Variants in PTPRF observed in about 807,000 individuals in gnomAD.
PTPRF encodes the protein protein tyrosine phosphatase receptor type F, also known as receptor-type tyrosine-protein phosphatase F.
In PTPRF, 59 loss-of-function variants were observed where a neutral mutation model predicts 201.8. The observed-to-expected ratio is 0.29, with a 90% CI of 0.24 to 0.36. The LOEUF (loss-of-function observed/expected upper bound fraction) is 0.36, where lower values mean the gene tolerates loss of function less well. PTPRF is among the 10% of genes least tolerant of loss of function. The pLI is 1.00. For synonymous variants in PTPRF, 1,088 were observed against 1,089.7 expected, an observed-to-expected ratio of 1.00 and a Z score of 0.03; for missense variants, 2,132 against 2,690.5, an observed-to-expected ratio of 0.79 and a Z score of 4.59.
At chr1:43,569,230 C>T (rs4660736) in intron 5 of PTPRF, among the ~76,000 whole-genome samples, 1 of 123,956 alleles carries the variant, frequency 8.1e-6, no homozygotes, top group Non-Finnish European at 1.7e-5. Flanking sequence ...CCCCCCCCCC[C>T]ACCCCCTGCA....
intron 3 of PTPRF, among the ~76,000 whole-genome samples, chr1:43,548,637 A>G (rs1644831395): frequency 6.6e-6 from 1 of 152,136 alleles, no homozygotes; most frequent in African/African-American, 2.4e-5. Flanking sequence ...TATTCCCCTT[A>G]TCTGAGGCCA....
At chr1:43,569,506 C>A in intron 5 of PTPRF, 84 bp from the exon 6 acceptor site, 1 of 1,406,892 alleles carries the variant, frequency 7.1e-7, no homozygotes, top group Non-Finnish European at 9.6e-7. Flanking sequence ...CCTGGCCAAC[C>A]TGCAGTTGGG....
intron 5 of PTPRF, among the ~76,000 whole-genome samples, chr1:43,558,382 C>T (rs945008515): frequency 5.9e-5 from 9 of 152,256 alleles, no homozygotes; most frequent in African/African-American, 1.9e-4. Context: ...CACCACAGCC[C>T]GTGGGAGTGC....
At position 43,603,650 on chromosome 1, in the gene PTPRF, T is replaced by C. The variant is rs774490865; in HGVS notation, c.2498T>C (p.Met833Thr). The change falls in exon 16 of 34, where the codon ATG (methionine) becomes ACG (threonine). Residue 833 changes from methionine to threonine, a missense_variant. Around this residue, in one of 6 missense-constraint regions of PTPRF, gnomAD observed 818 missense variants for 915.3 expected, o/e 0.89. Transcript: ENST00000359947. This position sits in a 1 kb window ranked among gnomAD's most constrained non-coding sequence, Gnocchi z 5.8. ...ACCATGATGATCAGCACCACGGCCATGAACACTGCGCTGCTCCAGTGGCAC... is the reference window on the plus strand; with the variant it reads ...ACCATGATGATCAGCACCACGGCCACGAACACTGCGCTGCTCCAGTGGCAC... ...RPTMMISTTA[M>T]NTALLQWHPP... 5.6e-6 allele frequency: 9 copies of C among 1,613,392 alleles called. No homozygotes were observed. The African/African-American group carries it at 6.7e-5, about 12-fold the overall frequency.
Position 43,603,756 on chromosome 1 carries a change from A to C in PTPRF, c.2604A>C (p.Ile868=), listed in dbSNP as rs1654364430. 6.2e-7 allele frequency: 1 copy of C among 1,613,838 alleles called. No homozygotes were observed. Among genetic ancestry groups the C allele is most frequent in the Non-Finnish European group, 8.5e-7 (1 of 1,180,046 alleles). The change falls in exon 16 of 34, where the codon ATA becomes ATC. Residue 868 remains isoleucine (I), a synonymous_variant. Transcript: ENST00000359947. The surrounding 1 kb of genome is among the most constrained non-coding windows in gnomAD (Gnocchi z 5.8). ...CRADEARPNT[I]DFGKDDQHFT... ...CCGACGAGGCGCGGCCCAACACCAT[A>C]GATTTCGGCAAGGATGACCAGCACT...
rs145265549 is a variant in PTPRF at position 43,605,601 on chromosome 1, C to G, written c.3462C>G (p.Pro1154=). The change falls in exon 19 of 34, where the codon CCC becomes CCG. Residue 1154 remains proline (P), a synonymous_variant. Coordinates refer to ENST00000359947, the MANE Select transcript of PTPRF (RefSeq NM_002840.5). ...GSMLTPRWST[P]EELELDELLE... is the part of the protein sequence containing the mutation. ...TGCTGACGCCAAGGTGGAGCACACC[C>G]GAGGAACTGGAGCTGGACGAGGTAC... 4 of 1,614,108 alleles carry G rather than the reference C, an allele frequency of 2.5e-6. No individual in the cohort carries two copies. Among genetic ancestry groups the G allele is most frequent in the Admixed American group, 1.7e-5 (1 of 60,022 alleles).
At position 43,573,919 on chromosome 1, in the gene PTPRF, T is replaced by C. The variant is rs542862544; in HGVS notation, c.568+4141T>C. 2.9e-3 allele frequency among the ~76,000 whole-genome samples: 433 copies of C among 150,132 alleles called. 4 individuals are homozygous for C. Among genetic ancestry groups the C allele is most frequent in the African/African-American group, 0.01 (423 of 40,888 alleles). On this transcript the variant is annotated intron_variant, in intron 6 of 33. Coordinates refer to ENST00000359947, the MANE Select transcript of PTPRF (RefSeq NM_002840.5). ...GATCAGCAATGTCAACTTTTTGGTC[T>C]CAGGACCTCTACTTGTAAATATCAG...
chr1:43,574,283 A>C (rs556445729), intron 6 of PTPRF, among the ~76,000 whole-genome samples: 103 of 152,140 alleles, frequency 6.8e-4, no homozygotes, highest in Middle Eastern at 3.4e-3. Flanking sequence ...GGGGTGAGCC[A>C]CCGTGCCCAG....
rs72673097 is a variant in PTPRF, at chr1:43,622,254, G to A, written c.*251G>A. The A allele has an allele frequency of 0.021, 10,973 of 522,176 alleles. 165 individuals are homozygous for A. Among genetic ancestry groups the A allele is most frequent in the Non-Finnish European group, 0.031 (9,077 of 291,792 alleles). 32.3% of individuals were successfully genotyped at this position (522,176 alleles called of 1,614,324 possible). ...TGTCCACCAGACCCACCTGGAGCCC[G>A]CTTCAAGCTCTCTGTTGCGCTCCCG... On this transcript the variant is annotated 3_prime_UTR_variant, in exon 34 of 34. Coordinates refer to ENST00000359947, the MANE Select transcript of PTPRF (RefSeq NM_002840.5).
intron 5 of PTPRF, among the ~76,000 whole-genome samples, chr1:43,559,727 A>G (rs1458226301): frequency 1.5e-5 from 2 of 135,144 alleles, no homozygotes; most frequent in African/African-American, 5.7e-5. Context: ...GGCTGTGTGT[A>G]TGTATCAGGC....
In PTPRF at chr1:43,603,885, C is replaced by G. The variant is rs749008896; in HGVS notation, c.2733C>G (p.Pro911=). The G allele has an allele frequency of 1.2e-6, 2 of 1,613,936 alleles. No homozygotes were observed. The highest frequency in any genetic ancestry group is 1.7e-5 in the Admixed American group (1 of 60,008). The change falls in exon 16 of 34, where the codon CCC becomes CCG. Residue 911 remains proline, a synonymous_variant. Transcript: ENST00000359947. This position sits in a 1 kb window ranked among gnomAD's most constrained non-coding sequence, Gnocchi z 5.8. ...AGTTCGAGAAGGAGATCAGGACCCC[C>G]GAGGACCTGCCCAGCGGCTTCCCCC... ...GEEFEKEIRT[P]EDLPSGFPQN... is the part of the protein sequence containing the mutation.
intron 6 of PTPRF, among the ~76,000 whole-genome samples, chr1:43,574,017 A>G (rs1646757307): frequency 1.3e-5 from 1 of 75,708 alleles, no homozygotes; most frequent in Admixed American, 2.1e-4. Flanking sequence ...TTTTTTTGAG[A>G]CAGAGTTTCG....
chr1:43,609,243 G>T, intron 21 of PTPRF, 140 bp from the exon 22 acceptor site: 1 of 664,194 alleles, frequency 1.5e-6, no homozygotes, highest in Non-Finnish European at 2.6e-6. Context: ...GCTCCTCCGC[G>T]CTCAGAGATC....
At chr1:43,582,176 C>T (rs1283314021) in intron 7 of PTPRF, among the ~76,000 whole-genome samples, 8 of 152,320 alleles carry the variant, frequency 5.3e-5, no homozygotes, top group East Asian at 1.9e-4. Flanking sequence ...TGAGGCCACG[C>T]GACTGCTACA....
At position 43,579,438 on chromosome 1, in the gene PTPRF, C is replaced by G. The variant is rs1647169242; in HGVS notation, c.679+518C>G. The stretch of plus-strand genomic sequence containing the variant: ...GAGCCTATCCTCTGGCCAGGTCTTC[C>G]TGGAGCCTTCCTGGAGGAACCCTTG... On this transcript the variant is annotated intron_variant, in intron 7 of 33. Coordinates refer to ENST00000359947, the MANE Select transcript of PTPRF (RefSeq NM_002840.5). 8.5e-6 allele frequency: 3 copies of G among 351,170 alleles called. No homozygotes were observed. In the Admixed American group the frequency reaches 1.1e-4, roughly 13 times the overall value. 21.8% of individuals were successfully genotyped at this position (351,170 alleles called of 1,614,324 possible).
chr1:43,557,963 G>A (rs984108688), intron 5 of PTPRF, among the ~76,000 whole-genome samples: 3 of 152,210 alleles, frequency 2.0e-5, no homozygotes, highest in African/African-American at 4.8e-5. Context: ...GTGAACACCC[G>A]CCCCCTGCCC....
At chr1:43,604,822 G>A in intron 16 of PTPRF, 81 bp from the exon 17 acceptor site, 1 of 1,193,090 alleles carries the variant, frequency 8.4e-7, no homozygotes, top group Non-Finnish European at 1.2e-6. Flanking sequence ...GTCTCATCCT[G>A]GCCATTCACC....
In PTPRF at chr1:43,617,456, T is replaced by C. The variant is rs1026014655; in HGVS notation, c.4083T>C (p.Pro1361=). The change falls in exon 24 of 34, where the codon CCT becomes CCC. Residue 1361 remains proline (P), a synonymous_variant. Transcript: ENST00000359947. The stretch of plus-strand genomic sequence containing the variant: ...TCCATTCTCTGCAGTCCATCGACCC[T>C]GGACAGCAGTTCACGTGGGAGAATT... ...KFSQEYESID[P]GQQFTWENSN... is the part of the protein sequence containing the mutation. The C allele has an allele frequency of 3.7e-6, 6 of 1,614,170 alleles. No homozygotes were observed. In the East Asian group the frequency reaches 1.1e-4, roughly 30 times the overall value.
intron 3 of PTPRF, among the ~76,000 whole-genome samples, chr1:43,552,477 C>T (rs1404704530): frequency 6.6e-6 from 1 of 152,210 alleles, no homozygotes; most frequent in Non-Finnish European, 1.5e-5. Flanking sequence ...GGGTGCTTGG[C>T]AAAGGATTGT....
Sources: allele counts gnomAD v4.1 joint callset (sites outside exome capture counted in the v4.1 genomes callset), GRCh38; gene constraint gnomAD v4.1.1; regional missense constraint gnomAD v4.1.1; non-coding constraint Gnocchi (gnomAD v3.1); transcripts MANE v1.5; gene names NCBI Gene and HGNC (gene_info 2026-07-23, HGNC 2026-07-21).